TTN: variants seen among roughly 807,000 people sequenced by gnomAD.
TTN encodes connectin.
In TTN, 1,525 loss-of-function variants were observed where a neutral mutation model predicts 3,223.0. The ratio of observed to expected loss-of-function variants is 0.47; its 90% CI spans 0.45 to 0.49. TTN has a LOEUF of 0.49. Among genes scored for constraint, TTN ranks in the 20% least tolerant of loss-of-function variants. TTN has a pLI of 0.00. For synonymous variants in TTN, 14,094 were observed against 15,161.0 expected, an observed-to-expected ratio of 0.93 and a Z score of 5.17; for missense variants, 40,786 against 43,424.0, an observed-to-expected ratio of 0.94 and a Z score of 5.40.
Position 178,535,369 on chromosome 2 carries a change from A to C in TTN, c.101246T>G (p.Val33749Gly). ...ACTTGTTTTTCCAAATAAGTTGATC[A>C]CGGTATAACGTGTTTCTCGGGCCTG... The part of the protein sequence containing the change: ...VGQARETRYT[V>G]INLFGKTSYQ... The change falls in exon 358 of 363, where the codon GTG becomes GGG. Residue 33749 changes from valine to glycine, a missense_variant. Val to Gly is a moderately radical substitution (Grantham distance 109). Transcript: ENST00000589042. 6.2e-7 allele frequency: 1 copy of C among 1,613,938 alleles called. No homozygotes were observed. The highest frequency in any genetic ancestry group is 8.5e-7 in the Non-Finnish European group (1 of 1,179,848).
chr2:178,789,472 G>A lies in TTN; in HGVS notation c.1964C>T (p.Ala655Val), dbSNP rs763912778. ...AGTAGCAACTGCTATTGTAGACAAGGCAGTTTTCTCGGCTTCCTTTCTCAT... is the reference window on the plus strand; with the variant it reads ...AGTAGCAACTGCTATTGTAGACAAGACAGTTTTCTCGGCTTCCTTTCTCAT... ...EKMRKEAEKT[A>V]LSTIAVATAK... The change falls in exon 13 of 363, where the codon GCC becomes GTC. Residue 655 changes from alanine to valine, a missense_variant. Coordinates refer to ENST00000589042, the MANE Select transcript of TTN (RefSeq NM_001267550.2). The A allele has an allele frequency of 3.1e-6, 5 of 1,613,284 alleles. No homozygotes were observed. Among genetic ancestry groups the A allele is most frequent in the Non-Finnish European group, 4.2e-6 (5 of 1,179,524 alleles).
At chr2:178,707,387 A>T (rs2076038663) in intron 100 of TTN, 139 bp downstream of exon 100, 4 of 1,003,654 alleles carry the variant, frequency 4.0e-6, no homozygotes, top group Non-Finnish European at 1.4e-6. Flanking sequence ...TTCAATTATA[A>T]TAAGGAGCCT....
chr2:178,536,682 A>T, intron 356 of TTN, 107 bp from the exon 357 acceptor site: 1 of 1,022,406 alleles, frequency 9.8e-7, no homozygotes, highest in Non-Finnish European at 1.3e-6. Context: ...TTGTTAAAAA[A>T]TAGCTATTCC....
Position 178,776,892 on chromosome 2 carries a change from T to C in TTN, c.4972A>G (p.Arg1658Gly), listed in dbSNP as rs56270960. 6 of 1,612,868 alleles carry C rather than the reference T, an allele frequency of 3.7e-6. No homozygotes were observed. In the East Asian group the frequency reaches 8.9e-5, roughly 24 times the overall value. The change falls in exon 28 of 363, where the codon AGA (arginine) becomes GGA (glycine). Residue 1658 changes from arginine to glycine, a missense_variant. Transcript: ENST00000589042. ...EVEFAEPEPE[R>G]KLIIPRGTYR... The stretch of plus-strand genomic sequence containing the variant: ...GTCCCCCGTGGGATGATTAACTTTC[T>C]CTCTGGCTCAGGCTCTGCAAACTCA...
chr2:178,745,720 A>G, intron 47 of TTN: 2 of 1,612,546 alleles, frequency 1.2e-6, no homozygotes, highest in Non-Finnish European at 1.7e-6. Flanking sequence ...TTTCCTCAAC[A>G]GTGAACCTTC....
At position 178,538,607 on chromosome 2, in the gene TTN, A is replaced by G; in HGVS notation, c.99222T>C (p.Phe33074=). 6.2e-7 allele frequency: 1 copy of G among 1,613,664 alleles called. No individual in the cohort carries two copies. Among genetic ancestry groups the G allele is most frequent in the East Asian group, 2.2e-5 (1 of 44,864 alleles). Residue 33074 remains phenylalanine, a synonymous_variant, in exon 354 of 363, where the codon TTT becomes TTC. Coordinates refer to ENST00000589042, the MANE Select transcript of TTN (RefSeq NM_001267550.2). ...LEATEYEFRV[F]AENETGLSRP... ...TGCTCAGCCCAGTCTCATTCTCAGC[A>G]AAAACCCTGAATTCATACTCAGTAG...
rs140598736 is a variant in TTN at position 178,721,613 on chromosome 2, C to G, written c.22816+234G>C. ...ACTAGATAGTTAAAACAACATTTAA[C>G]AAATTTCAATTAAACAATACTTTTT... On this transcript the variant is annotated intron_variant, in intron 78 of 362. Transcript: ENST00000589042. Among the ~76,000 whole-genome samples, 5 of 152,004 alleles carry G rather than the reference C, an allele frequency of 3.3e-5. 1 individual carries two copies. In the East Asian group the frequency reaches 9.7e-4, roughly 29 times the overall value.
In TTN at chr2:178,572,854, T is replaced by C. The variant is rs1014948698; in HGVS notation, c.73278A>G (p.Pro24426=). The part of the protein sequence containing the change: ...TPKAEDRMLP[P]EIELDADLRK... ...GCAGGTCAGCATCCAGTTCAATTTC[T>C]GGAGGCAGCATTCTGTCTTCAGCCT... The change falls in exon 326 of 363, where the codon CCA becomes CCG. Residue 24426 remains proline, a synonymous_variant. Coordinates refer to ENST00000589042, the MANE Select transcript of TTN (RefSeq NM_001267550.2). The C allele has an allele frequency of 6.2e-7, 1 of 1,613,442 alleles. No homozygotes were observed. Among genetic ancestry groups the C allele is most frequent in the African/African-American group, 1.3e-5 (1 of 75,026 alleles).
In TTN at chr2:178,539,061, A is replaced by G. The variant is rs2154139580; in HGVS notation, c.98874T>C (p.Thr32958=). 3 of 1,613,788 alleles carry G rather than the reference A, an allele frequency of 1.9e-6. No homozygotes were observed. The highest frequency in any genetic ancestry group is 2.7e-5 in the African/African-American group (2 of 75,018). The change falls in exon 353 of 363, where the codon ACT becomes ACC. Residue 32958 remains threonine, a synonymous_variant. Coordinates refer to ENST00000589042, the MANE Select transcript of TTN (RefSeq NM_001267550.2). The part of the protein sequence containing the change: ...NKTQITTTMY[T]VTGLVPDAEY... ...CAGCATCGGGAACAAGCCCTGTGAC[A>G]GTGTACATTGTGGTGGTGATCTGAG...
In TTN at chr2:178,632,984, C is replaced by G; in HGVS notation, c.43147G>C (p.Gly14383Arg). 1 of 1,613,186 alleles carries G rather than the reference C, an allele frequency of 6.2e-7. No homozygotes were observed. The change falls in exon 234 of 363, where the codon GGT becomes CGT. Residue 14383 changes from glycine (G) to arginine (R), a missense_variant. By Grantham distance (125) the Gly-to-Arg change is moderately radical. Coordinates refer to ENST00000589042, the MANE Select transcript of TTN (RefSeq NM_001267550.2). ...TGGAAGGAAACCTCTCCTGTCATAC[C>G]CAGCTGACAGTTATGAAGGATCAGA... ...HILILHNCQL[G>R]MTGEVSFQAA...
In TTN at chr2:178,602,494, G is replaced by A; in HGVS notation, c.54908C>T (p.Pro18303Leu). The change falls in exon 283 of 363, where the codon CCA (proline) becomes CTA (leucine). Residue 18303 changes from proline to leucine, a missense_variant. Transcript: ENST00000589042. ...WKPPAKDGGS[P>L]IKGYIVEMQE... is the part of the protein sequence containing the mutation. ...CATTTCTACAATGTATCCTTTGATT[G>A]GGCTGCCACCATCTTTGGCTGGAGG... 2 of 1,611,272 alleles carry A rather than the reference G, an allele frequency of 1.2e-6. No homozygotes were observed. The highest frequency in any genetic ancestry group is 1.7e-6 in the Non-Finnish European group (2 of 1,178,602).
intron 217 of TTN, among the ~76,000 whole-genome samples, chr2:178,645,422 A>T (rs185844183): frequency 3.5e-4 from 52 of 149,312 alleles, no homozygotes; most frequent in African/African-American, 1.3e-3. Flanking sequence ...TCCTTTCATG[A>T]TATATAGGCA....
intron 204 of TTN, 40 bp from the exon 205 acceptor site, chr2:178,652,007 A>G: frequency 6.2e-7 from 1 of 1,611,390 alleles, no homozygotes; most frequent in South Asian, 1.1e-5. Context: ...AGAATTGACT[A>G]AAACTGAGAT....
Position 178,530,582 on chromosome 2 carries a change from T to A in TTN, c.106033A>T (p.Lys35345Ter). 6.2e-7 allele frequency: 1 copy of A among 1,614,062 alleles called. No individual in the cohort carries two copies. The highest frequency in any genetic ancestry group is 8.5e-7 in the Non-Finnish European group (1 of 1,179,906). Residue 35345 changes from lysine (K) to a stop codon, truncating the protein, a stop_gained, in exon 358 of 363, where the codon AAA becomes TAA. Transcript: ENST00000589042. LOFTEE classifies it high-confidence loss of function. ...HYSADGTYEL[K>*]INNLTESDQG... ...TCAGATTCAGTGAGGTTATTGATTT[T>A]GAGCTCATAGGTACCATCTGCTGAA...
intron 99 of TTN, among the ~76,000 whole-genome samples, chr2:178,709,020 A>G (rs552375856): frequency 1.3e-5 from 2 of 152,318 alleles, no homozygotes; most frequent in Non-Finnish European, 2.9e-5. Flanking sequence ...ATGATATGCA[A>G]TGTTTTCTAC....
At position 178,562,830 on chromosome 2, in the gene TTN, T is replaced by C. The variant is rs1460650626; in HGVS notation, c.83302A>G (p.Ser27768Gly). The change falls in exon 326 of 363, where the codon AGT becomes GGT. Residue 27768 changes from serine to glycine, a missense_variant. Ser to Gly is a moderately conservative substitution (Grantham distance 56, BLOSUM62 0). Coordinates refer to ENST00000589042, the MANE Select transcript of TTN (RefSeq NM_001267550.2). The stretch of plus-strand genomic sequence containing the variant: ...CTTATGGTCAAATTCACAGGGGCAC[T>C]TGGTGAGTCAAGAACTCTGACGTTA... ...FVNVRVLDSP[S>G]APVNLTIREV... The C allele has an allele frequency of 5.0e-6, 8 of 1,612,996 alleles. No individual in the cohort carries two copies. Among genetic ancestry groups the C allele is most frequent in the Non-Finnish European group, 6.8e-6 (8 of 1,179,548 alleles).
intron 43 of TTN, among the ~76,000 whole-genome samples, chr2:178,762,082 C>T (rs2089370027): frequency 6.6e-6 from 1 of 152,070 alleles, no homozygotes; most frequent in African/African-American, 2.4e-5. Flanking sequence ...TTACAACCCC[C>T]AAGAACATGG....
chr2:178,579,899 A>T, intron 318 of TTN, 40 bp downstream of exon 318: 2 of 1,612,478 alleles, frequency 1.2e-6, no homozygotes, highest in Non-Finnish European at 1.7e-6. Flanking sequence ...CAAAGGAAGG[A>T]TATAACTCAA....
Position 178,777,881 on chromosome 2 carries a change from C to T in TTN, c.4303G>A (p.Ala1435Thr). The T allele has an allele frequency of 1.9e-6, 3 of 1,614,014 alleles. No homozygotes were observed. The highest frequency in any genetic ancestry group is 1.7e-6 in the Non-Finnish European group (2 of 1,179,932). Residue 1435 changes from alanine to threonine, a missense_variant, in exon 25 of 363, where the codon GCA becomes ACA. Ala to Thr is a moderately conservative substitution (Grantham distance 58, BLOSUM62 0). Coordinates refer to ENST00000589042, the MANE Select transcript of TTN (RefSeq NM_001267550.2). ...AGCCTACGTCCAGGGGACATTCTTGCAGGGGACATCCGTGCAGGAGACATC... is the reference window on the plus strand; with the variant it reads ...AGCCTACGTCCAGGGGACATTCTTGTAGGGGACATCCGTGCAGGAGACATC... Reference protein sequence around the residue: ...ARMSPARMSPARMSPGRRLEE... With the variant: ...ARMSPARMSPTRMSPGRRLEE...
Sources: gnomAD v4.1 joint callset for allele counts (sites outside exome capture counted in the v4.1 genomes callset) on GRCh38, gnomAD v4.1.1 for gene constraint, MANE v1.5 for transcripts, NCBI Gene and HGNC (gene_info 2026-07-23, HGNC 2026-07-21) for gene names.